Variants in MXD1 observed in about 807,000 individuals in gnomAD.
The protein encoded by MXD1 is MAX dimerization protein 1.
A neutral mutation model predicts 25.7 loss-of-function variants in MXD1; 9 were observed. The ratio of observed to expected loss-of-function variants is 0.35; its 90% confidence interval spans 0.21 to 0.61. MXD1 has a LOEUF of 0.61. MXD1 is among the 20% of genes least tolerant of loss of function. The pLI is 0.75. For missense variants in MXD1, 227 were observed against 292.4 expected (o/e 0.78, Z 1.63); for synonymous variants, 99 against 113.9 (o/e 0.87, Z 0.83).
chr2:69,935,993 C>G (rs145855741), intron 4 of MXD1, among the ~76,000 whole-genome samples: 1 of 152,120 alleles, frequency 6.6e-6, no homozygotes, highest in African/African-American at 2.4e-5. Context: ...TCACTTGCCT[C>G]TGCAGCACCA....
At position 69,916,305 on chromosome 2, in the gene MXD1, A is replaced by G. The variant is rs897016852; in HGVS notation, c.173+85A>G. 3 of 801,828 alleles carry G rather than the reference A, an allele frequency of 3.7e-6. No individual in the cohort carries two copies. The East Asian group carries it at 8.0e-5, about 21-fold the overall frequency. 49.7% of individuals were successfully genotyped at this position (801,828 alleles called of 1,614,324 possible). A position where few individuals can be genotyped will look rare whatever the true frequency, so the allele number is the denominator to read the frequency against. On this transcript the variant is annotated intron_variant, in intron 2 of 5. Transcript: ENST00000264444. ...TGAATGTAAGTTTTCTGTTGTGATT[A>G]TAACCCTATAAAATTACATTGTGGC...
In MXD1 at chr2:69,940,018, A is replaced by G. The variant is rs1677558401; in HGVS notation, c.*1734A>G. ...AAATGATTCTTTAATGTATTTTTCT[A>G]AACATTCTGATTGGAAGTAGTGGAT... On this transcript the variant is annotated 3_prime_UTR_variant, in exon 6 of 6. Coordinates refer to ENST00000264444, the MANE Select transcript of MXD1 (RefSeq NM_002357.4). The G allele has an allele frequency of 6.6e-6, 1 of 150,658 alleles. No individual in the cohort carries two copies. Among genetic ancestry groups the G allele is most frequent in the South Asian group, 2.1e-4 (1 of 4,764 alleles). 9.3% of individuals were successfully genotyped at this position (150,658 alleles called of 1,614,324 possible). A position where few individuals can be genotyped will look rare whatever the true frequency, so the allele number is the denominator to read the frequency against.
At chr2:69,918,120 G>A (rs1289468348) in intron 2 of MXD1, among the ~76,000 whole-genome samples, 1 of 152,184 alleles carries the variant, frequency 6.6e-6, no homozygotes, top group Non-Finnish European at 1.5e-5. Context: ...AAAGCAGCTT[G>A]ACCCCATGGT....
At chr2:69,927,490 C>T (rs552224800) in intron 3 of MXD1, among the ~76,000 whole-genome samples, 3 of 152,308 alleles carry the variant, frequency 2.0e-5, no homozygotes, top group East Asian at 3.9e-4. Flanking sequence ...TACTATAACC[C>T]TTGAGTAGAT....
rs946865758 is a variant in MXD1 at position 69,939,220 on chromosome 2, G to A, written c.*936G>A. 6 of 152,386 alleles carry A rather than the reference G, an allele frequency of 3.9e-5. No individual in the cohort carries two copies. The highest frequency in any genetic ancestry group is 7.3e-5 in the African/African-American group (3 of 41,352). 9.4% of individuals were successfully genotyped at this position (152,386 alleles called of 1,614,324 possible). A position where few individuals can be genotyped will look rare whatever the true frequency, so the allele number is the denominator to read the frequency against. On this transcript the variant is annotated 3_prime_UTR_variant, in exon 6 of 6. Transcript: ENST00000264444. ...GAACTTTCAGCAATAACTGAGCTGT[G>A]GCACTAGCAGAGCTAGTAGCCATTA...
intron 4 of MXD1, 124 bp from the exon 5 acceptor site, chr2:69,937,111 G>GTCTC: frequency 2.4e-6 from 3 of 1,242,792 alleles, no homozygotes; most frequent in Non-Finnish European, 3.6e-6. Flanking sequence ...GAAGCTTGAT[G>GTCTC]AGTGGCACCG....
rs75555818 is a variant in MXD1 at position 69,925,104 on chromosome 2, A to G, written c.203+3339A>G. 5.6e-3 allele frequency among the ~76,000 whole-genome samples: 855 copies of G among 152,236 alleles called. 16 individuals carry two copies. In the East Asian group the frequency reaches 0.07, roughly 13 times the overall value. ...GGTGCTGGGACTACAGAATCCAGTA[A>G]AGACTACGCACTGCTGTGGAGGAGC... On this transcript the variant is annotated intron_variant, in intron 3 of 5. Transcript: ENST00000264444.
intron 3 of MXD1, among the ~76,000 whole-genome samples, chr2:69,933,938 A>G (rs1212773435): frequency 1.3e-5 from 2 of 152,238 alleles, no homozygotes; most frequent in South Asian, 2.1e-4. Flanking sequence ...TGTGTGGGCA[A>G]TGAATGTTAT....
intron 3 of MXD1, 61 bp downstream of exon 3, chr2:69,921,826 G>C: frequency 6.4e-7 from 1 of 1,565,006 alleles, no homozygotes; most frequent in Non-Finnish European, 8.7e-7. Context: ...TGTTCATGCA[G>C]TTCAAACTTG....
At chr2:69,933,595 G>A (rs1677353029) in intron 3 of MXD1, among the ~76,000 whole-genome samples, 1 of 152,162 alleles carries the variant, frequency 6.6e-6, no homozygotes, top group South Asian at 2.1e-4. Flanking sequence ...AGCACCCTTG[G>A]AGAGTTTAGG....
chr2:69,937,446 A>AGAAG, intron 5 of MXD1, 52 bp downstream of exon 5: 1 of 1,317,688 alleles, frequency 7.6e-7, no homozygotes, highest in Admixed American at 2.3e-5. Context: ...CCAACCCCAG[A>AGAAG]GCAGGGGTTC....
At chr2:69,922,470 T>A (rs1677085361) in intron 3 of MXD1, among the ~76,000 whole-genome samples, 1 of 152,238 alleles carries the variant, frequency 6.6e-6, no homozygotes, top group South Asian at 2.1e-4. Context: ...TGTGTATTTT[T>A]AAACATATTT....
intron 4 of MXD1, 117 bp downstream of exon 4, chr2:69,935,582 A>G (rs1677411348): frequency 1.4e-6 from 1 of 694,200 alleles, no homozygotes; most frequent in Admixed American, 2.2e-5. Context: ...TATTGGATGA[A>G]TCACAGGTAC....
chr2:69,928,112 C>G lies in MXD1; in HGVS notation c.203+6347C>G, dbSNP rs1420400481. 2.0e-5 allele frequency among the ~76,000 whole-genome samples: 3 copies of G among 152,044 alleles called. No homozygotes were observed. In the East Asian group the frequency reaches 5.8e-4, roughly 29 times the overall value. ...TTAATAAAACTTGTTCCTTCTTACT[C>G]TATACTAAATACCTTCTTTTCCTTA... On this transcript the variant is annotated intron_variant, in intron 3 of 5. Coordinates refer to ENST00000264444, the MANE Select transcript of MXD1 (RefSeq NM_002357.4).
At chr2:69,921,709 T>G (rs781654406) in intron 2 of MXD1, 27 bp from the exon 3 acceptor site, 2 of 1,599,932 alleles carry the variant, frequency 1.3e-6, no homozygotes, top group Non-Finnish European at 1.7e-6. Context: ...AAATATCTTA[T>G]TCTTCTCTTA....
chr2:69,924,743 T>A (rs1281576924), intron 3 of MXD1, among the ~76,000 whole-genome samples: 1 of 103,400 alleles, frequency 9.7e-6, no homozygotes, highest in East Asian at 2.9e-4. Flanking sequence ...AAGATTGCCA[T>A]GGCTCTCAAA....
At chr2:69,927,234 G>A (rs2104181456) in intron 3 of MXD1, among the ~76,000 whole-genome samples, 1 of 152,330 alleles carries the variant, frequency 6.6e-6, no homozygotes, top group East Asian at 1.9e-4. Context: ...CCTTATATGG[G>A]AAGGGCTGGG....
At chr2:69,932,417 C>T (rs1222820165) in intron 3 of MXD1, among the ~76,000 whole-genome samples, 1 of 152,176 alleles carries the variant, frequency 6.6e-6, no homozygotes, top group African/African-American at 2.4e-5. Context: ...GGGATGTCTG[C>T]AGGCAGTGGC....
At chr2:69,921,957 C>T (rs1320062116) in intron 3 of MXD1, among the ~76,000 whole-genome samples, 192 bp downstream of exon 3, 1 of 152,182 alleles carries the variant, frequency 6.6e-6, no homozygotes, top group East Asian at 1.9e-4. Context: ...TAAAAGACCA[C>T]ACCCCTAACC....
Sources: allele counts gnomAD v4.1 joint callset (sites outside exome capture counted in the v4.1 genomes callset), GRCh38; gene constraint gnomAD v4.1.1; transcripts MANE v1.5; gene names NCBI Gene and HGNC (gene_info 2026-07-23, HGNC 2026-07-21).